The following FIGNL2 variants were observed in gnomAD, a reference collection of about 807,000 sequenced individuals.
The protein encoded by FIGNL2 is fidgetin like 2.
For missense variants in FIGNL2, 1,060 were observed against 950.2 expected (o/e 1.12, Z -1.52); for synonymous variants, 565 against 484.0 (o/e 1.17, Z -2.20).
At chr12:51,825,556 C>G (rs1413665817) in intron 1 of FIGNL2, among the ~76,000 whole-genome samples, 3 of 152,154 alleles carry the variant, frequency 2.0e-5, no homozygotes, top group African/African-American at 4.8e-5. Flanking sequence ...CCCACGAAGT[C>G]TCCTCTACTC....
chr12:51,821,269 A>G lies in FIGNL2; in HGVS notation c.1145T>C (p.Met382Thr). 1 of 1,524,976 alleles carries G rather than the reference A, an allele frequency of 6.6e-7. No homozygotes were observed. Among genetic ancestry groups the G allele is most frequent in the East Asian group, 2.6e-5 (1 of 39,022 alleles). 94.5% of individuals were successfully genotyped at this position (1,524,976 alleles called of 1,614,324 possible). A position where few individuals can be genotyped will look rare whatever the true frequency, so the allele number is the denominator to read the frequency against. Residue 382 changes from methionine (M) to threonine (T), a missense_variant, in exon 2 of 2, where the codon ATG becomes ACG. Physicochemically the swap from Met to Thr is moderately conservative, Grantham distance 81. Transcript: ENST00000618634. ...PGALELVTSKMVDCGPPVQWA... is the reference protein window; with the variant it reads ...PGALELVTSKTVDCGPPVQWA... ...CTGCACCGGGGGCCCGCAGTCCACC[A>G]TCTTGCTCGTCACCAGCTCCAGGGC...
At chr12:51,839,454 C>T (rs1180297684) in intron 1 of FIGNL2, among the ~76,000 whole-genome samples, 1 of 152,206 alleles carries the variant, frequency 6.6e-6, no homozygotes, top group Non-Finnish European at 1.5e-5. Context: ...CAGCTGGCCC[C>T]ACCTCTGAAT....
intron 1 of FIGNL2, among the ~76,000 whole-genome samples, chr12:51,836,378 C>T (rs1331846097): frequency 6.6e-6 from 1 of 152,102 alleles, no homozygotes; most frequent in African/African-American, 2.4e-5. Context: ...CATCCTCATC[C>T]TCATCCAATC....
In FIGNL2 at chr12:51,821,803, T is replaced by G. The variant is rs1230429254; in HGVS notation, c.611A>C (p.Asn204Thr). The G allele has an allele frequency of 1.6e-6, 2 of 1,275,298 alleles. No homozygotes were observed. Among genetic ancestry groups the G allele is most frequent in the Non-Finnish European group, 2.0e-6 (2 of 1,016,326 alleles). 79.0% of individuals were successfully genotyped at this position (1,275,298 alleles called of 1,614,324 possible). Residue 204 changes from asparagine to threonine, a missense_variant, in exon 2 of 2, where the codon AAC becomes ACC. Asn to Thr is a moderately conservative substitution (Grantham distance 65). Transcript: ENST00000618634. The part of the protein sequence containing the change: ...PGYGPSAPLY[N>T]YPAGGYAAQP... ...CGCTGCGTAGCCCCCTGCGGGATAGTTGTACAGCGGCGCTGAGGGCCCGTA... is the reference window on the plus strand; with the variant it reads ...CGCTGCGTAGCCCCCTGCGGGATAGGTGTACAGCGGCGCTGAGGGCCCGTA...
Position 51,818,542 on chromosome 12 carries a change from TG to T in FIGNL2, c.*1909del, listed in dbSNP as rs1187736301. The T allele has an allele frequency of 6.7e-6, 1 of 150,298 alleles. No individual in the cohort carries two copies. Among genetic ancestry groups the T allele is most frequent in the Middle Eastern group, 3.4e-3 (1 of 294 alleles). 9.3% of individuals were successfully genotyped at this position (150,298 alleles called of 1,614,324 possible). On this transcript the variant is annotated 3_prime_UTR_variant, in exon 2 of 2. Transcript: ENST00000618634. ...AGAGGGGGCCAGAAAGCAACGGGGG[TG>T]GGGGGGAACAGAGCAGCCTTCTGGT...
In FIGNL2 at chr12:51,820,977, G is replaced by C; in HGVS notation, c.1437C>G (p.Ala479=). 1 of 1,215,466 alleles carries C rather than the reference G, an allele frequency of 8.2e-7. No homozygotes were observed. The highest frequency in any genetic ancestry group is 3.4e-5 in the East Asian group (1 of 28,996). The allele number at this position is 1,215,466 out of a possible 1,614,324, so 75.3% of individuals were successfully genotyped here. The part of the protein sequence containing the change: ...GARLLQAAFA[A]ARCRPPSVLL... ...GTACGGAGGGTGGGCGGCAGCGCGCGGCCGCGAAGGCGGCCTGGAGGAGGC... is the reference window on the plus strand; with the variant it reads ...GTACGGAGGGTGGGCGGCAGCGCGCCGCCGCGAAGGCGGCCTGGAGGAGGC... Residue 479 remains alanine (A), a synonymous_variant, in exon 2 of 2, where the codon GCC becomes GCG. Coordinates refer to ENST00000618634, the MANE Select transcript of FIGNL2 (RefSeq NM_001384995.1).
rs893620256 is a variant in FIGNL2 at position 51,819,794 on chromosome 12, G to A, written c.*658C>T. ...TCCCCCTAGACCCTAGGTTTCAGAT[G>A]GGTAGAGGGGTAACCCTCCTCCTCA... On this transcript the variant is annotated 3_prime_UTR_variant, in exon 2 of 2. Transcript: ENST00000618634. 5.2e-5 allele frequency: 8 copies of A among 152,854 alleles called. No individual in the cohort carries two copies. Among genetic ancestry groups the A allele is most frequent in the African/African-American group, 1.9e-4 (8 of 41,562 alleles). The allele number at this position is 152,854 out of a possible 1,614,324, so 9.5% of individuals were successfully genotyped here. A position where few individuals can be genotyped will look rare whatever the true frequency, so the allele number is the denominator to read the frequency against.
Position 51,821,919 on chromosome 12 carries a change from C to T in FIGNL2, c.495G>A (p.Gly165=). The T allele has an allele frequency of 1.3e-6, 2 of 1,490,928 alleles. No homozygotes were observed. The highest frequency in any genetic ancestry group is 2.6e-5 in the South Asian group (2 of 76,844). 92.4% of individuals were successfully genotyped at this position (1,490,928 alleles called of 1,614,324 possible). A position where few individuals can be genotyped will look rare whatever the true frequency, so the allele number is the denominator to read the frequency against. Residue 165 remains glycine (G), a synonymous_variant, in exon 2 of 2, where the codon GGG becomes GGA. Coordinates refer to ENST00000618634, the MANE Select transcript of FIGNL2 (RefSeq NM_001384995.1). ...GCGCGCAGTAACCCGGCGCCAGGTA[C>T]CCCCCGCCGTAGCCGGCCGCGTACT... ...APEYAAGYGG[G]YLAPGYCAQT... is the part of the protein sequence containing the mutation.
chr12:51,821,247 C>T lies in FIGNL2; in HGVS notation c.1167G>A (p.Val389=), dbSNP rs779455891. The stretch of plus-strand genomic sequence containing the variant: ...CCTGGCCCGCCACATCCGCCCACTG[C>T]ACCGGGGGCCCGCAGTCCACCATCT... The part of the protein sequence containing the change: ...TSKMVDCGPP[V]QWADVAGQGA... Residue 389 remains valine, a synonymous_variant, in exon 2 of 2, where the codon GTG becomes GTA. Transcript: ENST00000618634. The T allele has an allele frequency of 9.2e-6, 14 of 1,526,054 alleles. No individual in the cohort carries two copies. In the South Asian group the frequency reaches 1.7e-4, roughly 18 times the overall value. The allele number at this position is 1,526,054 out of a possible 1,614,324, so 94.5% of individuals were successfully genotyped here. A position where few individuals can be genotyped will look rare whatever the true frequency, so the allele number is the denominator to read the frequency against.
At chr12:51,825,085 T>G (rs1050740836) in intron 1 of FIGNL2, among the ~76,000 whole-genome samples, 4 of 151,734 alleles carry the variant, frequency 2.6e-5, no homozygotes, top group South Asian at 2.1e-4. Flanking sequence ...ATGCAAGTAT[T>G]GTGTTACTAT....
rs761254852 is a variant in FIGNL2, at chr12:51,822,285, G to A, written c.129C>T (p.His43=). The A allele has an allele frequency of 3.7e-6, 6 of 1,611,864 alleles. No homozygotes were observed. Among genetic ancestry groups the A allele is most frequent in the Non-Finnish European group, 5.1e-6 (6 of 1,179,118 alleles). The change falls in exon 2 of 2, where the codon CAC becomes CAT. Residue 43 remains histidine, a synonymous_variant. Coordinates refer to ENST00000618634, the MANE Select transcript of FIGNL2 (RefSeq NM_001384995.1). Reference sequence around the variant, plus strand: ...AGATGTCGTCGTGTGCCCAAGCGTAGTGGCAGCGTTGGCGACCCCCAGGGG... The same window carrying A: ...AGATGTCGTCGTGTGCCCAAGCGTAATGGCAGCGTTGGCGACCCCCAGGGG... ...ELPPGGRQRC[H]YAWAHDDISA... is the part of the protein sequence containing the mutation.
intron 1 of FIGNL2, 125 bp from the exon 2 acceptor site, chr12:51,822,549 C>G (rs1198040406): frequency 9.7e-7 from 1 of 1,033,434 alleles, no homozygotes; most frequent in East Asian, 2.6e-5. Context: ...CATCCACCAC[C>G]TACCGCCCCA....
At chr12:51,841,108 G>T (rs1251089612) in intron 1 of FIGNL2, among the ~76,000 whole-genome samples, 1 of 152,220 alleles carries the variant, frequency 6.6e-6, no homozygotes, top group African/African-American at 2.4e-5. Flanking sequence ...CCAGCCCTGG[G>T]GGGGCTGAGC....
intron 1 of FIGNL2, among the ~76,000 whole-genome samples, chr12:51,843,250 T>C (rs1418715005): frequency 6.6e-6 from 1 of 152,060 alleles, no homozygotes; most frequent in Non-Finnish European, 1.5e-5. Context: ...GGTTTGTTAA[T>C]AGTAAATGAA....
intron 1 of FIGNL2, among the ~76,000 whole-genome samples, chr12:51,829,411 G>C (rs905659526): frequency 6.6e-6 from 1 of 152,190 alleles, no homozygotes; most frequent in Non-Finnish European, 1.5e-5. Flanking sequence ...GGGGTAACAA[G>C]GGGACTCTGG....
chr12:51,821,440 C>T lies in FIGNL2; in HGVS notation c.974G>A (p.Gly325Asp), dbSNP rs776087828. 8 of 1,537,698 alleles carry T rather than the reference C, an allele frequency of 5.2e-6. No homozygotes were observed. The South Asian group carries it at 6.0e-5, about 12-fold the overall frequency. Reference protein sequence around the residue: ...GAAEEASGKYGGGVPLKVLGS... With the variant: ...GAAEEASGKYDGGVPLKVLGS... ...CAGGACCTTGAGGGGGACGCCGCCACCGTACTTGCCCGACGCCTCCTCCGC... is the reference window on the plus strand; with the variant it reads ...CAGGACCTTGAGGGGGACGCCGCCATCGTACTTGCCCGACGCCTCCTCCGC... Residue 325 changes from glycine to aspartate, a missense_variant, in exon 2 of 2, where the codon GGT (glycine) becomes GAT (aspartate). Coordinates refer to ENST00000618634, the MANE Select transcript of FIGNL2 (RefSeq NM_001384995.1).
intron 1 of FIGNL2, chr12:51,838,050 C>G (rs1939606707): frequency 6.6e-6 from 1 of 152,336 alleles, no homozygotes; most frequent in South Asian, 2.1e-4. Flanking sequence ...TCGAGGTGAG[C>G]TGCATGGGCC....
chr12:51,845,592 T>G (rs1939736183), intron 1 of FIGNL2: 1 of 985,426 alleles, frequency 1.0e-6, no homozygotes. Context: ...TCCAGGAACC[T>G]GGTTTTCATT....
At chr12:51,826,490 T>G (rs781039720) in intron 1 of FIGNL2, among the ~76,000 whole-genome samples, 92 of 144,890 alleles carry the variant, frequency 6.3e-4, no homozygotes, top group Non-Finnish European at 1.2e-3. Flanking sequence ...AAAAAAAAAA[T>G]TAGCCGGGCG....
Sources: gnomAD v4.1 joint callset for allele counts (sites outside exome capture counted in the v4.1 genomes callset) on GRCh38, gnomAD v4.1.1 for gene constraint, MANE v1.5 for transcripts, NCBI Gene and HGNC (gene_info 2026-07-23, HGNC 2026-07-21) for gene names.